Variants in RUNDC3B observed in about 807,000 individuals in gnomAD.
The protein encoded by RUNDC3B is RUN domain containing 3B, also known as RUN domain-containing protein 3B.
A neutral mutation model predicts 58.4 loss-of-function variants in RUNDC3B; 33 were observed. The observed-to-expected ratio is 0.56, with a 90% confidence interval of 0.43 to 0.75. The LOEUF is 0.75. Ranked by LOEUF, RUNDC3B falls within the 30% of genes least tolerant of loss-of-function variation. The pLI is 0.00. For missense variants in RUNDC3B, 501 were observed against 535.7 expected (o/e 0.94, Z 0.64); for synonymous variants, 193 against 195.2 (o/e 0.99, Z 0.10).
intron 2 of RUNDC3B, among the ~76,000 whole-genome samples, chr7:87,683,286 C>T (rs1485421213): frequency 6.6e-6 from 1 of 152,162 alleles, no homozygotes; most frequent in East Asian, 1.9e-4. Context: ...GGCTCTTTCA[C>T]TTCCTTCATG....
At chr7:87,720,885 C>T (rs1830841996) in intron 4 of RUNDC3B, among the ~76,000 whole-genome samples, 1 of 5,212 alleles carries the variant, frequency 1.9e-4, no homozygotes, top group Non-Finnish European at 5.1e-4. Flanking sequence ...CAGGCGTGAG[C>T]CCTCGTGTTT....
intron 8 of RUNDC3B, among the ~76,000 whole-genome samples, chr7:87,793,202 T>C (rs185094497): frequency 2.6e-4 from 40 of 152,126 alleles, no homozygotes; most frequent in Admixed American, 1.0e-3. Context: ...TAAACCATAA[T>C]AAAAAGCATC....
Position 87,755,851 on chromosome 7 carries a change from G to A in RUNDC3B, c.629+14272G>A, listed in dbSNP as rs182679426. Among the ~76,000 whole-genome samples, 16 of 152,242 alleles carry A rather than the reference G, an allele frequency of 1.1e-4. No homozygotes were observed. In the East Asian group the frequency reaches 1.4e-3, roughly 13 times the overall value. ...TCTCTCACCACTTCTATTCAAAGTC[G>A]TATTGGAAGTCCTAGCCAGAGCAAT... On this transcript the variant is annotated intron_variant, in intron 6 of 10. Transcript: ENST00000394654.
intron 3 of RUNDC3B, 149 bp from the exon 4 acceptor site, chr7:87,710,421 T>C (rs1829973005): frequency 1.3e-5 from 7 of 558,218 alleles, no homozygotes; most frequent in Non-Finnish European, 2.2e-5. Flanking sequence ...AAAATTTACC[T>C]ATTTTTATCT....
chr7:87,652,753 A>G (rs993471017), intron 2 of RUNDC3B, among the ~76,000 whole-genome samples: 2 of 151,584 alleles, frequency 1.3e-5, no homozygotes, highest in Non-Finnish European at 2.9e-5. Context: ...TTTAATATAT[A>G]GCAAATTGCT....
At chr7:87,634,105 C>G (rs1211691528) in intron 1 of RUNDC3B, among the ~76,000 whole-genome samples, 1 of 152,072 alleles carries the variant, frequency 6.6e-6, no homozygotes, top group Non-Finnish European at 1.5e-5. Flanking sequence ...GGAACTGATC[C>G]ATTCTTCCTT....
At chr7:87,654,721 C>T (rs577421371) in intron 2 of RUNDC3B, among the ~76,000 whole-genome samples, 1 of 152,104 alleles carries the variant, frequency 6.6e-6, no homozygotes, top group South Asian at 2.1e-4. Context: ...GGAAAATAAA[C>T]AAGTGGAATT....
intron 8 of RUNDC3B, among the ~76,000 whole-genome samples, chr7:87,798,288 G>A (rs1447987176): frequency 6.6e-6 from 1 of 152,126 alleles, no homozygotes; most frequent in Non-Finnish European, 1.5e-5. Flanking sequence ...GTTTTCCTCT[G>A]TGTTCTAGTT....
At chr7:87,825,107 A>G (rs1584298750) in intron 10 of RUNDC3B, among the ~76,000 whole-genome samples, 1 of 152,110 alleles carries the variant, frequency 6.6e-6, no homozygotes, top group Non-Finnish European at 1.5e-5. Context: ...CTGTAGTCCC[A>G]GCCACTTGGG....
rs1354522006 is a variant in RUNDC3B at position 87,830,069 on chromosome 7, A to G, written c.*39A>G. 23 of 1,419,304 alleles carry G rather than the reference A, an allele frequency of 1.6e-5. No individual in the cohort carries two copies. The highest frequency in any genetic ancestry group is 2.1e-5 in the Non-Finnish European group (22 of 1,043,326). The allele number at this position is 1,419,304 out of a possible 1,614,324, so 87.9% of individuals were successfully genotyped here. ...AAAGCCAAAACTTTTTATGTTGTAA[A>G]TGTTTAATTTACATGTTTGACTGCT... is the stretch of plus-strand genomic sequence containing the variant. On this transcript the variant is annotated 3_prime_UTR_variant, in exon 11 of 11. Transcript: ENST00000394654.
intron 9 of RUNDC3B, among the ~76,000 whole-genome samples, chr7:87,811,574 G>A (rs1050976300): frequency 2.6e-5 from 4 of 152,172 alleles, no homozygotes; most frequent in African/African-American, 9.7e-5. Flanking sequence ...TTGACCTCAT[G>A]ACCCACCCAA....
intron 7 of RUNDC3B, among the ~76,000 whole-genome samples, chr7:87,774,143 AC>A (rs1253370312): frequency 6.6e-6 from 1 of 152,180 alleles, no homozygotes; most frequent in Non-Finnish European, 1.5e-5. Flanking sequence ...CCCACATGCC[AC>A]TCATGAAATT....
chr7:87,809,599 T>C (rs935161506), intron 9 of RUNDC3B, among the ~76,000 whole-genome samples: 11 of 152,316 alleles, frequency 7.2e-5, no homozygotes, highest in African/African-American at 2.2e-4. Flanking sequence ...CTATAAAGTC[T>C]TATGTTTCTA....
intron 6 of RUNDC3B, among the ~76,000 whole-genome samples, chr7:87,767,140 G>T (rs536551092): frequency 2.4e-4 from 36 of 152,154 alleles, no homozygotes; most frequent in African/African-American, 8.2e-4. Context: ...GTCCTGAATT[G>T]TTTTTCTGAT....
intron 1 of RUNDC3B, among the ~76,000 whole-genome samples, chr7:87,635,281 T>G (rs1821650807): frequency 6.6e-6 from 1 of 152,194 alleles, no homozygotes; most frequent in South Asian, 2.1e-4. Context: ...ATTGGAAAGA[T>G]TCCATCAGTC....
chr7:87,647,904 GC>G (rs757482718), intron 1 of RUNDC3B, among the ~76,000 whole-genome samples: 2 of 152,072 alleles, frequency 1.3e-5, no homozygotes, highest in African/African-American at 2.4e-5. Context: ...AAAATGATAG[GC>G]CAGGCACGGT....
chr7:87,664,386 A>C (rs943003468), intron 2 of RUNDC3B, among the ~76,000 whole-genome samples: 2 of 152,184 alleles, frequency 1.3e-5, no homozygotes, highest in African/African-American at 4.8e-5. Context: ...TACTTTACTT[A>C]CAAGGAAGCA....
At chr7:87,700,910 A>T (rs1232522667) in intron 3 of RUNDC3B, among the ~76,000 whole-genome samples, 1 of 152,260 alleles carries the variant, frequency 6.6e-6, no homozygotes, top group Non-Finnish European at 1.5e-5. Context: ...GAATTAATGC[A>T]GTGACATCAA....
chr7:87,717,386 C>A (rs1183723839), intron 4 of RUNDC3B, among the ~76,000 whole-genome samples: 1 of 151,946 alleles, frequency 6.6e-6, no homozygotes, highest in Non-Finnish European at 1.5e-5. Flanking sequence ...TTTGCTTTAT[C>A]AATTTATCTA....
Sources: allele counts gnomAD v4.1 joint callset (sites outside exome capture counted in the v4.1 genomes callset), GRCh38; gene constraint gnomAD v4.1.1; transcripts MANE v1.5; gene names NCBI Gene and HGNC (gene_info 2026-07-23, HGNC 2026-07-21).